Variants in ARFIP1 observed in about 807,000 individuals in gnomAD.
ARFIP1 encodes the protein ARF interacting protein 1.
In ARFIP1, 24 loss-of-function variants were observed where a neutral mutation model predicts 42.5. The ratio of observed to expected loss-of-function variants is 0.57; its 90% CI spans 0.41 to 0.80. The LOEUF is 0.80. ARFIP1 is among the 30% of genes least tolerant of loss of function. The pLI, the probability that ARFIP1 is intolerant of heterozygous loss-of-function variation, is 0.00. For synonymous variants in ARFIP1, 141 were observed against 153.7 expected (o/e 0.92, Z 0.61); for missense variants, 354 against 434.0 (o/e 0.82, Z 1.64).
intron 1 of ARFIP1, among the ~76,000 whole-genome samples, chr4:152,812,727 A>C (rs1273191573): frequency 6.6e-6 from 1 of 152,174 alleles, no homozygotes; most frequent in African/African-American, 2.4e-5. Context: ...AAGCCAAATA[A>C]ACCTCTTGCT....
chr4:152,861,603 AC>A (rs79987959), intron 2 of ARFIP1, among the ~76,000 whole-genome samples: 5,706 of 152,288 alleles, frequency 0.037, 161 homozygotes, highest in South Asian at 0.079. Flanking sequence ...GTTATATTAT[AC>A]AACATGTCAC....
intron 2 of ARFIP1, among the ~76,000 whole-genome samples, chr4:152,851,944 A>T (rs1342302001): frequency 6.6e-6 from 1 of 152,230 alleles, no homozygotes; most frequent in African/African-American, 2.4e-5. Flanking sequence ...TATTACTACA[A>T]ATATTACTTT....
At chr4:152,828,629 T>C (rs1305541537) in intron 1 of ARFIP1, among the ~76,000 whole-genome samples, 1 of 152,244 alleles carries the variant, frequency 6.6e-6, no homozygotes, top group Non-Finnish European at 1.5e-5. Context: ...AACAGTCCTT[T>C]ATCAGATGTG....
intron 8 of ARFIP1, among the ~76,000 whole-genome samples, chr4:152,901,772 T>A (rs1396055196): frequency 6.6e-6 from 1 of 152,250 alleles, no homozygotes; most frequent in Non-Finnish European, 1.5e-5. Context: ...TCTGTAAATA[T>A]GGGAAGATTA....
intron 8 of ARFIP1, among the ~76,000 whole-genome samples, chr4:152,904,695 G>C (rs975745182): frequency 6.6e-6 from 1 of 152,068 alleles, no homozygotes; most frequent in Admixed American, 6.5e-5. Flanking sequence ...ATGGCTTCCA[G>C]CTACCTCCAT....
chr4:152,864,529 A>G (rs1734161115), intron 3 of ARFIP1, among the ~76,000 whole-genome samples: 1 of 152,230 alleles, frequency 6.6e-6, no homozygotes, highest in East Asian at 1.9e-4. Flanking sequence ...TTCCTCCAGC[A>G]GTGAGACTGA....
chr4:152,889,498 CATATATATATATATAT>C (rs71595203), intron 8 of ARFIP1, among the ~76,000 whole-genome samples: 9 of 42,772 alleles, frequency 2.1e-4, no homozygotes, highest in Non-Finnish European at 2.9e-4. Flanking sequence ...TCATTTTAGT[CATATATATATATATAT>C]ATATATATAT....
chr4:152,836,423 TAC>T (rs773551649), intron 2 of ARFIP1, among the ~76,000 whole-genome samples: 2 of 152,230 alleles, frequency 1.3e-5, no homozygotes, highest in African/African-American at 2.4e-5. Context: ...TTGTCAATTA[TAC>T]CTCAATAAAG....
intron 2 of ARFIP1, among the ~76,000 whole-genome samples, chr4:152,847,124 C>CTTTTTTGTTTTTTTTTTTTTT (rs1732602284): frequency 2.5e-5 from 1 of 40,584 alleles, no homozygotes; most frequent in Non-Finnish European, 4.5e-5. Context: ...TAGGTTTGTT[C>CTTTTTTGTTTTTTTTTTTTTT]TTTTTTTTTT....
intron 2 of ARFIP1, among the ~76,000 whole-genome samples, chr4:152,839,616 A>G (rs1425542791): frequency 6.6e-6 from 1 of 152,156 alleles, no homozygotes; most frequent in Non-Finnish European, 1.5e-5. Flanking sequence ...CAGTGGTGTC[A>G]GTTGTAATAT....
intron 2 of ARFIP1, among the ~76,000 whole-genome samples, chr4:152,843,236 T>C (rs1021971036): frequency 6.6e-6 from 1 of 152,138 alleles, no homozygotes; most frequent in Non-Finnish European, 1.5e-5. Flanking sequence ...AGGATGGTAC[T>C]GGGGGTTATC....
intron 2 of ARFIP1, among the ~76,000 whole-genome samples, chr4:152,837,222 T>C (rs1731724667): frequency 6.6e-6 from 1 of 152,244 alleles, no homozygotes; most frequent in Non-Finnish European, 1.5e-5. Context: ...CTATTGTGAA[T>C]TGTGCCACTA....
At chr4:152,908,934 G>A (rs1451651198) in intron 8 of ARFIP1, among the ~76,000 whole-genome samples, 11 of 148,914 alleles carry the variant, frequency 7.4e-5, no homozygotes, top group East Asian at 4.0e-4. Context: ...GTGTGTGTGT[G>A]TGTGTGTAAT....
intron 5 of ARFIP1, among the ~76,000 whole-genome samples, chr4:152,880,211 C>T (rs539412317): frequency 1.3e-5 from 2 of 152,000 alleles, no homozygotes; most frequent in Non-Finnish European, 2.9e-5. Context: ...GGCTTGGTGG[C>T]GCACGCCTGT....
rs370236805 is a variant in ARFIP1, at chr4:152,829,598, G to A, written c.-9-27G>A. 1.1e-5 allele frequency: 17 copies of A among 1,496,046 alleles called. No homozygotes were observed. In the Admixed American group the frequency reaches 1.2e-4, roughly 10 times the overall value. The allele number at this position is 1,496,046 out of a possible 1,614,324, so 92.7% of individuals were successfully genotyped here. ...GTCTTTATGATTTGGTATTAGTTAC[G>A]GCGCTTTTTTTCTTCTTTTGTTTTA... On this transcript the variant is annotated intron_variant, in intron 1 of 8. Coordinates refer to ENST00000353617, the MANE Select transcript of ARFIP1 (RefSeq NM_001025595.3).
intron 2 of ARFIP1, among the ~76,000 whole-genome samples, chr4:152,838,034 G>A (rs1731790587): frequency 6.6e-6 from 1 of 152,214 alleles, no homozygotes; most frequent in African/African-American, 2.4e-5. Flanking sequence ...TGAAAAGGGT[G>A]CCCTTTCCCC....
intron 2 of ARFIP1, among the ~76,000 whole-genome samples, chr4:152,861,918 T>C (rs1024632066): frequency 2.0e-5 from 3 of 152,314 alleles, no homozygotes; most frequent in Non-Finnish European, 4.4e-5. Flanking sequence ...TCCTAAACTT[T>C]AGCTGTTGAA....
chr4:152,872,404 C>A, intron 4 of ARFIP1, 48 bp from the exon 5 acceptor site: 1 of 1,254,020 alleles, frequency 8.0e-7, no homozygotes, highest in Non-Finnish European at 1.1e-6. Flanking sequence ...TTTTCTTTCC[C>A]TGCTTGTCTT....
chr4:152,865,888 A>T (rs887637579), intron 3 of ARFIP1, among the ~76,000 whole-genome samples: 9 of 152,144 alleles, frequency 5.9e-5, no homozygotes, highest in African/African-American at 2.2e-4. Context: ...TATATTTTTT[A>T]ATTGATCATT....
Sources: gnomAD v4.1 joint callset for allele counts (sites outside exome capture counted in the v4.1 genomes callset) on GRCh38, gnomAD v4.1.1 for gene constraint, MANE v1.5 for transcripts, NCBI Gene and HGNC (gene_info 2026-07-23, HGNC 2026-07-21) for gene names.